Variants in NALCN observed in about 807,000 individuals in gnomAD.
The protein encoded by NALCN is sodium leak channel NALCN.
NALCN carries 111 observed loss-of-function variants against 225.3 expected under a neutral mutation model. That is an observed-to-expected ratio of 0.49 (90% CI 0.42 to 0.58). The LOEUF (loss-of-function observed/expected upper bound fraction) is 0.58. NALCN is among the 20% of genes least tolerant of loss of function. The pLI is 0.00. For missense variants in NALCN, 1,378 were observed against 2,202.4 expected (o/e 0.63, Z 7.49); for synonymous variants, 764 against 769.0 (o/e 0.99, Z 0.11).
intron 15 of NALCN, among the ~76,000 whole-genome samples, chr13:101,147,390 TG>T (rs1170664232): frequency 6.7e-6 from 1 of 149,366 alleles, no homozygotes; most frequent in African/African-American, 2.5e-5. Context: ...AGTCTTGCTC[TG>T]TCTCCCAGGC....
At chr13:101,192,465 T>C (rs2039720856) in intron 13 of NALCN, among the ~76,000 whole-genome samples, 2 of 149,904 alleles carry the variant, frequency 1.3e-5, no homozygotes, top group Non-Finnish European at 2.9e-5. Flanking sequence ...CTAAGGCATA[T>C]AAAGGCATAT....
In NALCN at chr13:101,397,981, G is replaced by C. The variant is rs183390562; in HGVS notation, c.108+1038C>G. ...TGGGGCCAGGGAGCAGTACGAGCAGGGAAAGCAATGTGAACAATCCAGAGA... is the reference window on the plus strand; with the variant it reads ...TGGGGCCAGGGAGCAGTACGAGCAGCGAAAGCAATGTGAACAATCCAGAGA... On this transcript the variant is annotated intron_variant, in intron 2 of 43. Coordinates refer to ENST00000251127, the MANE Select transcript of NALCN (RefSeq NM_052867.4). Among the ~76,000 whole-genome samples the C allele has an allele frequency of 2.4e-4, 36 of 152,196 alleles. No homozygotes were observed. The East Asian group carries it at 6.6e-3, about 28-fold the overall frequency.
At chr13:101,055,521 G>T in intron 43 of NALCN, 33 bp from the exon 44 acceptor site, 2 of 1,587,686 alleles carry the variant, frequency 1.3e-6, no homozygotes, top group South Asian at 2.2e-5. Flanking sequence ...GAGCCACTTG[G>T]TATTGCTTCA....
intron 3 of NALCN, among the ~76,000 whole-genome samples, chr13:101,394,028 A>G (rs1462911838): frequency 6.6e-6 from 1 of 152,172 alleles, no homozygotes; most frequent in African/African-American, 2.4e-5. Context: ...TTATAAAAAG[A>G]GAAAATTTTA....
intron 10 of NALCN, among the ~76,000 whole-genome samples, chr13:101,271,864 C>T (rs536404223): frequency 4.3e-4 from 64 of 148,410 alleles, no homozygotes; most frequent in African/African-American, 1.6e-3. Flanking sequence ...TGAGCATGCA[C>T]GTGTGTGTAG....
intron 15 of NALCN, among the ~76,000 whole-genome samples, chr13:101,157,543 T>A (rs1305190090): frequency 1.3e-5 from 2 of 152,178 alleles, no homozygotes; most frequent in African/African-American, 4.8e-5. Context: ...AAATCAGTCA[T>A]CCTCAATTAT....
chr13:101,142,038 T>G (rs1238597945), intron 17 of NALCN, among the ~76,000 whole-genome samples: 3 of 152,074 alleles, frequency 2.0e-5, no homozygotes, highest in African/African-American at 7.2e-5. Flanking sequence ...ATATATAGTT[T>G]GATACTATGC....
intron 13 of NALCN, among the ~76,000 whole-genome samples, chr13:101,215,149 T>C (rs560287877): frequency 1.3e-5 from 2 of 152,276 alleles, no homozygotes; most frequent in East Asian, 3.9e-4. Context: ...CATATACTGC[T>C]GATAGCTTAG....
chr13:101,413,299 G>A (rs2047840411), intron 1 of NALCN, among the ~76,000 whole-genome samples: 1 of 151,902 alleles, frequency 6.6e-6, no homozygotes, highest in Non-Finnish European at 1.5e-5. Flanking sequence ...CCAATTTGAA[G>A]ATATGGAAAA....
chr13:101,365,079 T>C (rs2046344547), intron 6 of NALCN, among the ~76,000 whole-genome samples: 1 of 152,192 alleles, frequency 6.6e-6, no homozygotes, highest in Admixed American at 6.6e-5. Context: ...GGGATACATG[T>C]GCAGGTTTGT....
intron 7 of NALCN, among the ~76,000 whole-genome samples, chr13:101,299,445 T>A (rs996263218): frequency 6.6e-6 from 1 of 152,216 alleles, no homozygotes; most frequent in African/African-American, 2.4e-5. Context: ...TTTGTTTGTT[T>A]GTTTGTTTGT....
chr13:101,321,404 C>G (rs923825166), intron 7 of NALCN, among the ~76,000 whole-genome samples: 4 of 152,124 alleles, frequency 2.6e-5, no homozygotes, highest in Non-Finnish European at 5.9e-5. Context: ...AGAAATCACA[C>G]TCATTTAGTT....
intron 13 of NALCN, among the ~76,000 whole-genome samples, chr13:101,224,818 C>G (rs968149192): frequency 5.9e-5 from 9 of 152,084 alleles, no homozygotes; most frequent in African/African-American, 2.2e-4. Context: ...ACTACACACA[C>G]CCCCCTTTTA....
chr13:101,171,345 C>CA (rs1179573855), intron 15 of NALCN, among the ~76,000 whole-genome samples: 1 of 147,728 alleles, frequency 6.8e-6, no homozygotes, highest in African/African-American at 2.5e-5. Context: ...ATATGTAATA[C>CA]AAAATTATAA....
rs373319928 is a variant in NALCN at position 101,103,261 on chromosome 13, A to C, written c.2968T>G (p.Cys990Gly). Residue 990 changes from cysteine (C) to glycine (G), a missense_variant, in exon 26 of 44, where the codon TGC becomes GGC. By Grantham distance (159) the Cys-to-Gly change is radical (BLOSUM62 -3). This residue lies in a region of NALCN where 292 missense variants were observed against 409.5 expected (regional missense o/e 0.71). Transcript: ENST00000251127. ...TTGAATATGCGCAGAGGTCTCAGGCACCGAAGGACCATTAGAAGCTGAGCT... is the reference window on the plus strand; with the variant it reads ...TTGAATATGCGCAGAGGTCTCAGGCCCCGAAGGACCATTAGAAGCTGAGCT... ...SGAQLLMVLR[C>G]LRPLRIFKLV... The C allele has an allele frequency of 6.2e-7, 1 of 1,614,016 alleles. No homozygotes were observed. Among genetic ancestry groups the C allele is most frequent in the Non-Finnish European group, 8.5e-7 (1 of 1,179,914 alleles).
intron 13 of NALCN, among the ~76,000 whole-genome samples, chr13:101,207,160 T>G (rs552450249): frequency 6.6e-6 from 1 of 152,332 alleles, no homozygotes; most frequent in South Asian, 2.1e-4. Context: ...CTTTTTAGTG[T>G]CATTTTATAT....
intron 7 of NALCN, among the ~76,000 whole-genome samples, chr13:101,337,475 A>AT (rs1451492440): frequency 6.6e-6 from 1 of 151,732 alleles, no homozygotes; most frequent in Non-Finnish European, 1.5e-5. Context: ...TGCCCAGCTA[A>AT]TTTTTGTATT....
chr13:101,059,949 T>C lies in NALCN; in HGVS notation c.4774A>G (p.Ser1592Gly). The change falls in exon 42 of 44, where the codon AGT (serine) becomes GGT (glycine). Residue 1592 changes from serine (S) to glycine (G), a missense_variant. Transcript: ENST00000251127. ...CTCTCTCTCAGGCTGTGGATGATAC[T>C]GCACGACTGCTGCTGTTTCTATGGA... The part of the protein sequence containing the change: ...RIRAKQQQSC[S>G]IIHSLRESQQ... The C allele has an allele frequency of 6.2e-7, 1 of 1,614,098 alleles. No individual in the cohort carries two copies.
chr13:101,299,431 TTTG>T (rs1566547762), intron 7 of NALCN, among the ~76,000 whole-genome samples: 245 of 131,480 alleles, frequency 1.9e-3, no homozygotes, highest in African/African-American at 7.2e-3. Context: ...GTTTTTTTTG[TTTG>T]TTTGTTTGTT....
Sources: gnomAD v4.1 joint callset for allele counts (sites outside exome capture counted in the v4.1 genomes callset) on GRCh38, gnomAD v4.1.1 for gene constraint, gnomAD v4.1.1 regional missense constraint, MANE v1.5 for transcripts, NCBI Gene and HGNC (gene_info 2026-07-23, HGNC 2026-07-21) for gene names.